The following PTPN4 variants were observed in gnomAD, a reference collection of about 807,000 sequenced individuals.
PTPN4 encodes the protein tyrosine-protein phosphatase non-receptor type 4.
In PTPN4, 49 loss-of-function variants were observed where a neutral mutation model predicts 135.5. That is an observed-to-expected ratio of 0.36 (90% CI 0.29 to 0.46). PTPN4 has a LOEUF of 0.46. Among genes scored for constraint, PTPN4 ranks in the 20% least tolerant of loss-of-function variants. The pLI, the probability that PTPN4 is intolerant of heterozygous loss-of-function variation, is 1.00. For synonymous variants in PTPN4, 333 were observed against 369.9 expected, an observed-to-expected ratio of 0.90 and a Z score of 1.14; for missense variants, 860 against 1,101.0, an observed-to-expected ratio of 0.78 and a Z score of 3.10.
intron 1 of PTPN4, among the ~76,000 whole-genome samples, chr2:119,809,349 G>A (rs1169239043): frequency 6.6e-6 from 1 of 151,086 alleles, no homozygotes; most frequent in Non-Finnish European, 1.5e-5. Context: ...TTTGAGGATG[G>A]TTAAAATGAA....
intron 3 of PTPN4, among the ~76,000 whole-genome samples, chr2:119,868,837 G>A (rs1401807948): frequency 6.6e-6 from 1 of 151,940 alleles, no homozygotes; most frequent in Non-Finnish European, 1.5e-5. Context: ...ATCTCTGTTC[G>A]AGGCTCTCAG....
At chr2:119,812,521 G>T (rs1185596329) in intron 2 of PTPN4, among the ~76,000 whole-genome samples, 1 of 152,140 alleles carries the variant, frequency 6.6e-6, no homozygotes, top group Non-Finnish European at 1.5e-5. Flanking sequence ...TTGTAATGAA[G>T]GAGTTGATGT....
At chr2:119,820,018 T>G (rs1208411929) in intron 2 of PTPN4, among the ~76,000 whole-genome samples, 2 of 152,162 alleles carry the variant, frequency 1.3e-5, no homozygotes, top group African/African-American at 4.8e-5. Context: ...TGCGCCACCA[T>G]GACCACCTAA....
chr2:119,906,964 T>A (rs182892165), intron 10 of PTPN4, among the ~76,000 whole-genome samples: 118 of 152,298 alleles, frequency 7.7e-4, no homozygotes, highest in African/African-American at 2.7e-3. Context: ...TTCCGTTAAG[T>A]TGCAGGGAAC....
intron 12 of PTPN4, among the ~76,000 whole-genome samples, chr2:119,923,846 A>G (rs970805928): frequency 6.6e-6 from 1 of 152,108 alleles, no homozygotes; most frequent in African/African-American, 2.4e-5. Context: ...ATATAACTTT[A>G]AAAAAATGAG....
intron 2 of PTPN4, among the ~76,000 whole-genome samples, chr2:119,834,680 A>G (rs1440599885): frequency 6.6e-6 from 1 of 152,130 alleles, no homozygotes; most frequent in Non-Finnish European, 1.5e-5. Flanking sequence ...GGCTCTAAGC[A>G]TGGACTCTGG....
intron 2 of PTPN4, among the ~76,000 whole-genome samples, chr2:119,844,174 C>T (rs866984715): frequency 8.5e-6 from 1 of 118,124 alleles, no homozygotes; most frequent in African/African-American, 3.3e-5. Context: ...ACCTCCCTCC[C>T]GGACGGGGCG....
At chr2:119,833,364 T>G (rs1677246579) in intron 2 of PTPN4, among the ~76,000 whole-genome samples, 1 of 152,186 alleles carries the variant, frequency 6.6e-6, no homozygotes, top group African/African-American at 2.4e-5. Flanking sequence ...AATGGTCTCT[T>G]GGTGTATCTG....
intron 9 of PTPN4, among the ~76,000 whole-genome samples, chr2:119,892,874 A>C (rs915589901): frequency 6.7e-6 from 1 of 148,378 alleles, no homozygotes; most frequent in Non-Finnish European, 1.5e-5. Context: ...GGCATGTGTC[A>C]CCATGCTGGT....
At chr2:119,839,981 G>A (rs1371804465) in intron 2 of PTPN4, among the ~76,000 whole-genome samples, 1 of 152,210 alleles carries the variant, frequency 6.6e-6, no homozygotes, top group Non-Finnish European at 1.5e-5. Context: ...AATAGAAGAA[G>A]TAGGTTTCAA....
At chr2:119,901,529 A>T (rs1678403283) in intron 10 of PTPN4, among the ~76,000 whole-genome samples, 1 of 152,344 alleles carries the variant, frequency 6.6e-6, no homozygotes, top group East Asian at 1.9e-4. Flanking sequence ...CACCAAAGGC[A>T]TATTTATTTC....
intron 23 of PTPN4, among the ~76,000 whole-genome samples, chr2:119,961,549 C>A (rs1293112002): frequency 6.6e-6 from 1 of 152,190 alleles, no homozygotes; most frequent in Non-Finnish European, 1.5e-5. Flanking sequence ...CTTAGTACTT[C>A]CATTCCTAAA....
chr2:119,849,716 AG>A (rs2104978740), intron 2 of PTPN4, among the ~76,000 whole-genome samples: 1 of 152,284 alleles, frequency 6.6e-6, no homozygotes, highest in South Asian at 2.1e-4. Flanking sequence ...GAACTATTTT[AG>A]CCTCTGATAT....
At chr2:119,974,749 T>C (rs1325712112) in intron 26 of PTPN4, among the ~76,000 whole-genome samples, 2 of 152,228 alleles carry the variant, frequency 1.3e-5, no homozygotes. Context: ...CTCTGAGCAC[T>C]AAGGACTTTT....
At position 119,920,086 on chromosome 2, in the gene PTPN4, A is replaced by G. The variant is rs754099335; in HGVS notation, c.846A>G (p.Thr282=). ...TATTACAGCATGAATCTAGAGAAACATTATTGGGATTTAATATGGTGAATT... is the reference window on the plus strand; with the variant it reads ...TATTACAGCATGAATCTAGAGAAACGTTATTGGGATTTAATATGGTGAATT... ...LRKELHESRE[T]LLGFNMVNYR... The change falls in exon 12 of 27, where the codon ACA becomes ACG. Residue 282 remains threonine, a synonymous_variant. Coordinates refer to ENST00000263708, the MANE Select transcript of PTPN4 (RefSeq NM_002830.4). 10 of 1,606,946 alleles carry G rather than the reference A, an allele frequency of 6.2e-6. No homozygotes were observed. Among genetic ancestry groups the G allele is most frequent in the African/African-American group, 2.7e-5 (2 of 74,528 alleles).
rs1679645425 is a variant in PTPN4 at position 119,978,213 on chromosome 2, T to C, written c.*1143T>C. 1 of 152,208 alleles carries C rather than the reference T, an allele frequency of 6.6e-6. No homozygotes were observed. Among genetic ancestry groups the C allele is most frequent in the South Asian group, 2.1e-4 (1 of 4,832 alleles). 9.4% of individuals were successfully genotyped at this position (152,208 alleles called of 1,614,324 possible). On this transcript the variant is annotated 3_prime_UTR_variant, in exon 27 of 27. Transcript: ENST00000263708. Reference sequence around the variant, plus strand: ...TTTAGGAAGACATCTAACATGCAGATTAATGTTAAACATATTGATAATCTA... The same window carrying C: ...TTTAGGAAGACATCTAACATGCAGACTAATGTTAAACATATTGATAATCTA...
chr2:119,762,699 T>C (rs906460659), intron 1 of PTPN4, among the ~76,000 whole-genome samples: 1 of 152,168 alleles, frequency 6.6e-6, no homozygotes, highest in African/African-American at 2.4e-5. Flanking sequence ...TTTAAAGTTT[T>C]GCCTAAATTC....
intron 3 of PTPN4, among the ~76,000 whole-genome samples, chr2:119,871,150 C>T (rs1458271524): frequency 1.3e-5 from 2 of 148,156 alleles, no homozygotes; most frequent in East Asian, 4.0e-4. Context: ...ATGCCAATTA[C>T]AATGATAACA....
intron 1 of PTPN4, among the ~76,000 whole-genome samples, chr2:119,760,733 C>CT (rs59953430): frequency 0.49 from 38,844 of 78,912 alleles, 10,029 homozygotes; most frequent in East Asian, 0.62. Context: ...GGTAGAATTC[C>CT]TTTTTTTTTT....
Sources: gnomAD v4.1 joint callset for allele counts (sites outside exome capture counted in the v4.1 genomes callset) on GRCh38, gnomAD v4.1.1 for gene constraint, MANE v1.5 for transcripts, NCBI Gene and HGNC (gene_info 2026-07-23, HGNC 2026-07-21) for gene names.